The following CEP85L variants were observed in gnomAD, a reference collection of about 807,000 sequenced individuals.
CEP85L encodes the protein centrosomal protein 85L.
Under a neutral mutation model 100.3 loss-of-function variants are expected in CEP85L, and 60 were observed. The ratio of observed to expected loss-of-function variants is 0.60; its 90% CI spans 0.49 to 0.74. The LOEUF is 0.74. Ranked by LOEUF, CEP85L falls within the 30% of genes least tolerant of loss-of-function variation. CEP85L has a pLI of 0.00. For synonymous variants in CEP85L, 319 were observed against 322.7 expected (o/e 0.99, Z 0.12); for missense variants, 973 against 936.2 (o/e 1.04, Z -0.51).
At chr6:118,599,106 A>T (rs1420719261) in intron 2 of CEP85L, among the ~76,000 whole-genome samples, 7 of 152,200 alleles carry the variant, frequency 4.6e-5, no homozygotes. Flanking sequence ...GAAAGGGCCT[A>T]AAAGCAATGA....
At chr6:118,655,658 C>T (rs1382255069), upstream of CEP85L, among the ~76,000 whole-genome samples, 2 of 152,184 alleles carry the variant, frequency 1.3e-5, no homozygotes, top group East Asian at 1.9e-4. Flanking sequence ...ACCTGACCTG[C>T]CCTGGTGGGG....
chr6:118,674,190 T>G (rs973703193), intron 1 of CEP85L, among the ~76,000 whole-genome samples: 7 of 152,156 alleles, frequency 4.6e-5, no homozygotes, highest in African/African-American at 1.7e-4. Flanking sequence ...TCATAAAAAT[T>G]ATGAATATTT....
intron 2 of CEP85L, among the ~76,000 whole-genome samples, chr6:118,590,950 C>T (rs1213980590): frequency 6.6e-6 from 1 of 152,096 alleles, no homozygotes; most frequent in Non-Finnish European, 1.5e-5. Flanking sequence ...GCCATATCAC[C>T]TACATTCACG....
intron 4 of CEP85L, among the ~76,000 whole-genome samples, chr6:118,522,756 G>A (rs1409244360): frequency 6.6e-6 from 1 of 152,022 alleles, no homozygotes; most frequent in Non-Finnish European, 1.5e-5. Context: ...GTGCACAGCT[G>A]TAATCCCAGC....
At chr6:118,543,315 T>G (rs1778016902) in intron 3 of CEP85L, among the ~76,000 whole-genome samples, 1 of 152,192 alleles carries the variant, frequency 6.6e-6, no homozygotes, top group African/African-American at 2.4e-5. Context: ...GCCTTTATTC[T>G]CTCTTCTTTC....
chr6:118,533,440 A>G (rs925111178), intron 3 of CEP85L, among the ~76,000 whole-genome samples: 1 of 150,482 alleles, frequency 6.6e-6, no homozygotes, highest in African/African-American at 2.5e-5. Context: ...TGTCCTATAA[A>G]CTATTAGAGT....
chr6:118,505,647 T>C (rs918820906), intron 5 of CEP85L, among the ~76,000 whole-genome samples: 32 of 152,292 alleles, frequency 2.1e-4, no homozygotes, highest in African/African-American at 7.2e-4. Flanking sequence ...ATGGTTTGAA[T>C]AGTATGTACT....
intron 2 of CEP85L, among the ~76,000 whole-genome samples, chr6:118,592,976 G>A (rs189363838): frequency 4.7e-3 from 686 of 146,894 alleles, no homozygotes; most frequent in Non-Finnish European, 5.3e-3. Flanking sequence ...GGAAAAAAAA[G>A]AAAAAGATAG....
chr6:118,673,223 T>C (rs1399344786), intron 1 of CEP85L, among the ~76,000 whole-genome samples: 1 of 152,028 alleles, frequency 6.6e-6, no homozygotes, highest in Admixed American at 6.6e-5. Context: ...CAAAGAATAA[T>C]CAATAGAAAC....
At chr6:118,706,703 T>C (rs1235478823) in intron 1 of CEP85L, among the ~76,000 whole-genome samples, 1 of 152,206 alleles carries the variant, frequency 6.6e-6, no homozygotes, top group Non-Finnish European at 1.5e-5. Flanking sequence ...CACCATGTCA[T>C]ATTTTCTTTT....
intron 2 of CEP85L, among the ~76,000 whole-genome samples, chr6:118,588,654 T>C (rs749644380): frequency 5.9e-5 from 9 of 152,226 alleles, no homozygotes; most frequent in Non-Finnish European, 1.3e-4. Flanking sequence ...AGCCCCTTTA[T>C]TAAGCTCCCT....
At chr6:118,645,256 G>A (rs1399915854) in intron 1 of CEP85L, among the ~76,000 whole-genome samples, 2 of 152,074 alleles carry the variant, frequency 1.3e-5, no homozygotes, top group Non-Finnish European at 2.9e-5. Context: ...AGGCCTCCCT[G>A]ACCAGCTACT....
intron 8 of CEP85L, among the ~76,000 whole-genome samples, 171 bp downstream of exon 8, chr6:118,481,608 T>C (rs1773789215): frequency 6.6e-6 from 1 of 152,080 alleles, no homozygotes; most frequent in Non-Finnish European, 1.5e-5. Context: ...CTGAAAAAAA[T>C]CTTAAATCTA....
Position 118,609,770 on chromosome 6 carries a change from G to GA in CEP85L, c.232+22682dup, listed in dbSNP as rs1413369745. ...AAATACCAGGTACAAAACCAGGATTGAAAAAAAAACGTAGGTGGAAACAGA... is the reference window on the plus strand; with the variant it reads ...AAATACCAGGTACAAAACCAGGATTGAAAAAAAAAACGTAGGTGGAAACAGA... On this transcript the variant is annotated intron_variant, in intron 2 of 12. Transcript: ENST00000368491. Among the ~76,000 whole-genome samples, 43 of 148,928 alleles carry GA rather than the reference G, an allele frequency of 2.9e-4. No individual in the cohort carries two copies. In the East Asian group the frequency reaches 3.9e-3, roughly 14 times the overall value.
intron 10 of CEP85L, among the ~76,000 whole-genome samples, chr6:118,478,197 G>A (rs1183109601): frequency 2.0e-5 from 3 of 152,068 alleles, no homozygotes; most frequent in Admixed American, 6.6e-5. Context: ...GAAATAATCA[G>A]TGCTCCTCTT....
chr6:118,671,450 C>T (rs1374143557), intron 1 of CEP85L, among the ~76,000 whole-genome samples: 3 of 151,952 alleles, frequency 2.0e-5, no homozygotes, highest in African/African-American at 7.3e-5. Flanking sequence ...TAAAGCACTA[C>T]TGTTAATAAA....
intron 1 of CEP85L, among the ~76,000 whole-genome samples, chr6:118,702,853 G>A (rs1275477338): frequency 1.3e-5 from 2 of 151,928 alleles, no homozygotes; most frequent in African/African-American, 2.4e-5. Context: ...AAAATAAGCC[G>A]GGCTTGGTGG....
chr6:118,491,196 TACACAC>T (rs1160030823), intron 6 of CEP85L, among the ~76,000 whole-genome samples: 5,034 of 116,366 alleles, frequency 0.043, 143 homozygotes, highest in African/African-American at 0.081. Context: ...CCAACATCTA[TACACAC>T]ACACACACAC....
intron 1 of CEP85L, among the ~76,000 whole-genome samples, chr6:118,701,818 A>G (rs543189329): frequency 6.6e-6 from 1 of 152,298 alleles, no homozygotes; most frequent in East Asian, 1.9e-4. Flanking sequence ...TGAACCAGTC[A>G]CCAGCAAGGG....
Sources: gnomAD v4.1 joint callset for allele counts (sites outside exome capture counted in the v4.1 genomes callset) on GRCh38, gnomAD v4.1.1 for gene constraint, MANE v1.5 for transcripts, NCBI Gene and HGNC (gene_info 2026-07-23, HGNC 2026-07-21) for gene names.